ATP8A2: variants seen among roughly 807,000 people sequenced by gnomAD.
ATP8A2 encodes ATPase phospholipid transporting 8A2.
In ATP8A2, 100 loss-of-function variants were observed where a neutral mutation model predicts 165.6. The ratio of observed to expected loss-of-function variants is 0.60; its 90% CI spans 0.51 to 0.71. The LOEUF (loss-of-function observed/expected upper bound fraction) is 0.71, where lower values mean the gene tolerates loss of function less well. Ranked by LOEUF, ATP8A2 falls within the 30% of genes least tolerant of loss-of-function variation. The pLI is 0.00. For synonymous variants in ATP8A2, 543 were observed against 548.8 expected (o/e 0.99, Z 0.15); for missense variants, 1,227 against 1,479.5 (o/e 0.83, Z 2.80).
At chr13:25,435,894 G>T (rs147158189) in intron 1 of ATP8A2, among the ~76,000 whole-genome samples, 1 of 149,116 alleles carries the variant, frequency 6.7e-6, no homozygotes, top group African/African-American at 2.5e-5. Context: ...AAAATGTCAC[G>T]CAGTTAAGAA....
chr13:25,803,717 T>A lies in ATP8A2; in HGVS notation c.2680-24401T>A, dbSNP rs564688683. Among the ~76,000 whole-genome samples the A allele has an allele frequency of 7.0e-4, 106 of 152,330 alleles. 1 individual carries two copies. The highest frequency in any genetic ancestry group is 2.5e-3 in the African/African-American group (102 of 41,584). ...CCATTACCTGAAGGCTTTCCTAAGT[T>A]CTCCACATCAAACTGTGGTTCACTT... On this transcript the variant is annotated intron_variant, in intron 27 of 36. Coordinates refer to ENST00000381655, the MANE Select transcript of ATP8A2 (RefSeq NM_016529.6).
At chr13:25,867,921 T>A (rs1952560186) in intron 33 of ATP8A2, 1 of 217,388 alleles carries the variant, frequency 4.6e-6, no homozygotes, top group Non-Finnish European at 9.8e-6. Context: ...TGTCTTTTTT[T>A]TATTGTTTTA....
intron 1 of ATP8A2, among the ~76,000 whole-genome samples, chr13:25,406,285 A>G (rs2033799906): frequency 6.6e-6 from 1 of 152,180 alleles, no homozygotes. Context: ...GGGCTTACAG[A>G]CTATAGGGGA....
chr13:25,597,884 A>C (rs1206996575), intron 24 of ATP8A2, among the ~76,000 whole-genome samples: 1 of 151,958 alleles, frequency 6.6e-6, no homozygotes, highest in African/African-American at 2.4e-5. Flanking sequence ...TGTTGAAGTC[A>C]AAATTTCTTT....
chr13:25,380,386 A>G (rs2032794109), intron 1 of ATP8A2, among the ~76,000 whole-genome samples: 1 of 152,216 alleles, frequency 6.6e-6, no homozygotes, highest in Non-Finnish European at 1.5e-5. Flanking sequence ...TTTGCCGCGC[A>G]GTAGAGTGGC....
chr13:25,762,692 G>A (rs1164968490), intron 25 of ATP8A2, among the ~76,000 whole-genome samples: 2 of 152,146 alleles, frequency 1.3e-5, no homozygotes, highest in Non-Finnish European at 2.9e-5. Flanking sequence ...AATGTCTGCT[G>A]TACAAATCTT....
intron 2 of ATP8A2, among the ~76,000 whole-genome samples, chr13:25,528,745 G>C (rs1005753906): frequency 2.8e-5 from 4 of 145,392 alleles, no homozygotes; most frequent in African/African-American, 1.0e-4. Flanking sequence ...TATGCAACTT[G>C]TGTATGCATA....
intron 26 of ATP8A2, among the ~76,000 whole-genome samples, chr13:25,769,864 G>A (rs899942625): frequency 1.3e-5 from 2 of 152,196 alleles, no homozygotes; most frequent in African/African-American, 4.8e-5. Context: ...AGGCTGATCC[G>A]AGCCTCGCAT....
At chr13:25,748,460 GA>G (rs1274593831) in intron 25 of ATP8A2, among the ~76,000 whole-genome samples, 5 of 152,144 alleles carry the variant, frequency 3.3e-5, no homozygotes, top group African/African-American at 7.2e-5. Context: ...CATTTAAGGG[GA>G]AAAAATTTTA....
rs767105493 is a variant in ATP8A2, at chr13:25,731,232, AAG to A, written c.2384+31898_2384+31899del. On this transcript the variant is annotated intron_variant, in intron 25 of 36. Coordinates refer to ENST00000381655, the MANE Select transcript of ATP8A2 (RefSeq NM_016529.6). ...GAGAAAGAGAAAGAAGAAAGAAGGAAAGAGAGAGAGAGGAAGGAAGGAAGGAA... is the reference window on the plus strand; with the variant it reads ...GAGAAAGAGAAAGAAGAAAGAAGGAAAGAGAGAGAGGAAGGAAGGAAGGAA... Among the ~76,000 whole-genome samples, 82 of 147,680 alleles carry A rather than the reference AAG, an allele frequency of 5.6e-4. 1 individual carries two copies. The highest frequency in any genetic ancestry group is 1.2e-3 in the African/African-American group (47 of 39,004).
intron 30 of ATP8A2, among the ~76,000 whole-genome samples, chr13:25,856,384 C>T (rs1566207233): frequency 1.3e-5 from 2 of 152,058 alleles, no homozygotes; most frequent in South Asian, 2.1e-4. Flanking sequence ...ACTGGAGACT[C>T]AGAAGGGTGA....
intron 33 of ATP8A2, among the ~76,000 whole-genome samples, chr13:25,933,497 A>G (rs1954817009): frequency 6.6e-6 from 1 of 152,208 alleles, no homozygotes; most frequent in Non-Finnish European, 1.5e-5. Flanking sequence ...AATTCATGTT[A>G]AAGTGCTTAG....
chr13:25,810,656 A>C (rs1452883787), intron 27 of ATP8A2, among the ~76,000 whole-genome samples: 3 of 152,162 alleles, frequency 2.0e-5, no homozygotes, highest in Admixed American at 1.3e-4. Flanking sequence ...ATTGTCCAGC[A>C]ACAATAATAT....
intron 24 of ATP8A2, among the ~76,000 whole-genome samples, chr13:25,672,137 G>A (rs1216826888): frequency 5.3e-5 from 8 of 152,136 alleles, no homozygotes; most frequent in African/African-American, 1.2e-4. Context: ...TCTTGGATGG[G>A]TATCAACTTG....
chr13:25,566,247 G>C (rs530890147), intron 16 of ATP8A2, among the ~76,000 whole-genome samples: 5 of 152,158 alleles, frequency 3.3e-5, no homozygotes, highest in African/African-American at 9.6e-5. Context: ...TGCTGCTGGA[G>C]TCTATGTTCT....
In ATP8A2 at chr13:25,900,982, G is replaced by A. The variant is rs771321337; in HGVS notation, c.3183+38574G>A. 6.6e-5 allele frequency among the ~76,000 whole-genome samples: 10 copies of A among 152,186 alleles called. 1 individual carries two copies. Among genetic ancestry groups the A allele is most frequent in the South Asian group, 4.1e-4 (2 of 4,820 alleles). On this transcript the variant is annotated intron_variant, in intron 33 of 36. Transcript: ENST00000381655. Reference sequence around the variant, plus strand: ...ATCAAGATGGAAGAAAAGCCCATGCGTTGTCTAAGGCTGCCTCATCTCAGA... The same window carrying A: ...ATCAAGATGGAAGAAAAGCCCATGCATTGTCTAAGGCTGCCTCATCTCAGA...
chr13:25,494,423 T>C (rs189891417), intron 2 of ATP8A2, among the ~76,000 whole-genome samples: 1 of 152,256 alleles, frequency 6.6e-6, no homozygotes, highest in Admixed American at 6.5e-5. Flanking sequence ...GAAACAATCA[T>C]AAATATCTTA....
chr13:25,784,761 A>G (rs752394702), intron 27 of ATP8A2, among the ~76,000 whole-genome samples: 6 of 151,874 alleles, frequency 4.0e-5, no homozygotes, highest in Non-Finnish European at 5.9e-5. Context: ...TAGAAGATAC[A>G]TTTCTTTTTT....
intron 2 of ATP8A2, among the ~76,000 whole-genome samples, chr13:25,494,388 T>A (rs1038207378): frequency 1.3e-5 from 2 of 152,196 alleles, no homozygotes; most frequent in Non-Finnish European, 2.9e-5. Flanking sequence ...TTTCTGCCAC[T>A]GCAGAGACTC....
Sources: allele counts gnomAD v4.1 joint callset (sites outside exome capture counted in the v4.1 genomes callset), GRCh38; gene constraint gnomAD v4.1.1; transcripts MANE v1.5; gene names NCBI Gene and HGNC (gene_info 2026-07-23, HGNC 2026-07-21).